The following CA6 variants were observed in gnomAD, a reference collection of about 807,000 sequenced individuals.
The protein encoded by CA6 is carbonic anhydrase 6.
CA6 carries 28 observed loss-of-function variants against 35.9 expected under a neutral mutation model. That is an observed-to-expected ratio of 0.78 (90% CI 0.58 to 1.07). The LOEUF is 1.07. Among genes scored for constraint, CA6 ranks in the 50% least tolerant of loss-of-function variants. The probability of loss-of-function intolerance (pLI) is 0.00; values close to 1 mark genes in which losing one functional copy is unlikely to be tolerated. For missense variants in CA6, 377 were observed against 382.0 expected (o/e 0.99, Z 0.11); for synonymous variants, 148 against 152.6 (o/e 0.97, Z 0.22).
At chr1:8,971,008 C>A in intron 7 of CA6, 27 bp downstream of exon 7, 1 of 1,443,540 alleles carries the variant, frequency 6.9e-7, no homozygotes, top group Non-Finnish European at 9.8e-7. Flanking sequence ...CTTGATCATG[C>A]TCTGCAGTTT....
intron 1 of CA6, among the ~76,000 whole-genome samples, chr1:8,948,837 G>C (rs1161042251): frequency 6.6e-6 from 1 of 151,994 alleles, no homozygotes; most frequent in Admixed American, 6.5e-5. Flanking sequence ...AGGCGTGGTG[G>C]TGCATGCCTG....
At chr1:8,970,523 T>C (rs1640081078) in intron 6 of CA6, among the ~76,000 whole-genome samples, 1 of 152,134 alleles carries the variant, frequency 6.6e-6, no homozygotes, top group Non-Finnish European at 1.5e-5. Flanking sequence ...TTTTTATTTT[T>C]TTTGAGACAG....
At chr1:8,967,900 C>A in intron 6 of CA6, 84 bp downstream of exon 6, 1 of 1,258,670 alleles carries the variant, frequency 7.9e-7, no homozygotes, top group Non-Finnish European at 1.1e-6. Context: ...CAACGAACGT[C>A]AACAACTAAG....
At chr1:8,973,739 T>C (rs1640175700) in intron 7 of CA6, among the ~76,000 whole-genome samples, 1 of 19,706 alleles carries the variant, frequency 5.1e-5, no homozygotes, top group African/African-American at 4.1e-4. Flanking sequence ...TTTCTTTCTT[T>C]CTTTCTTTCT....
chr1:8,956,907 C>T (rs527612052), intron 2 of CA6, among the ~76,000 whole-genome samples: 2 of 152,178 alleles, frequency 1.3e-5, no homozygotes, highest in Non-Finnish European at 2.9e-5. Flanking sequence ...AGGCACTTGC[C>T]CAGCCTGGTT....
At chr1:8,955,544 C>CT (rs1458513607) in intron 2 of CA6, among the ~76,000 whole-genome samples, 1 of 152,186 alleles carries the variant, frequency 6.6e-6, no homozygotes, top group African/African-American at 2.4e-5. Flanking sequence ...GTGGTGCTTA[C>CT]TGTCCATTTA....
At chr1:8,974,388 A>G in intron 7 of CA6, 1 of 1,537,910 alleles carries the variant, frequency 6.5e-7, no homozygotes, top group Non-Finnish European at 8.7e-7. Flanking sequence ...CCAAAATCCA[A>G]GAGTACAGCC....
chr1:8,958,822 CCTTT>C (rs940892998), intron 3 of CA6, 84 bp from the exon 4 acceptor site: 3 of 753,178 alleles, frequency 4.0e-6, no homozygotes, highest in Non-Finnish European at 6.9e-6. Context: ...AGACGGAGCA[CCTTT>C]CTTTCTCTTC....
intron 2 of CA6, among the ~76,000 whole-genome samples, chr1:8,954,187 T>C (rs1018968943): frequency 6.6e-6 from 1 of 151,874 alleles, no homozygotes; most frequent in Non-Finnish European, 1.5e-5. Context: ...TTTTTTTTTT[T>C]TGGAGACAGA....
At chr1:8,956,993 G>A in intron 2 of CA6, 144 bp from the exon 3 acceptor site, 2 of 652,412 alleles carry the variant, frequency 3.1e-6, no homozygotes, top group Non-Finnish European at 2.4e-6. Context: ...TGGTGACCCT[G>A]CCCATGGCAT....
At chr1:8,965,160 C>T (rs1639937235) in intron 5 of CA6, among the ~76,000 whole-genome samples, 1 of 152,170 alleles carries the variant, frequency 6.6e-6, no homozygotes, top group African/African-American at 2.4e-5. Context: ...AGGAGAATCG[C>T]TTAAACCCGG....
intron 2 of CA6, among the ~76,000 whole-genome samples, chr1:8,953,842 G>A (rs1639604897): frequency 1.3e-5 from 2 of 152,180 alleles, no homozygotes; most frequent in East Asian, 3.8e-4. Flanking sequence ...TCAGTCACAG[G>A]ATGAGATAGG....
intron 2 of CA6, 49 bp downstream of exon 2, chr1:8,949,491 G>C: frequency 6.6e-7 from 1 of 1,505,828 alleles, no homozygotes; most frequent in Middle Eastern, 1.8e-4. Flanking sequence ...CAGCCTGCAG[G>C]GGAAGGCAGG....
At chr1:8,960,789 C>CACACACACATATATATATAT (rs59987426) in intron 4 of CA6, among the ~76,000 whole-genome samples, 14 of 116,970 alleles carry the variant, frequency 1.2e-4, no homozygotes, top group East Asian at 8.8e-4. Flanking sequence ...CACACACACA[C>CACACACACATATATATATAT]ATATATATAA....
At position 8,974,604 on chromosome 1, in the gene CA6, T is replaced by A; in HGVS notation, c.845-18T>A. Reference sequence around the variant, plus strand: ...TGTACAAGGTTTAACCATTTCCGACTAACTCTTCTTTTTACAGAATACACT... The same window carrying A: ...TGTACAAGGTTTAACCATTTCCGACAAACTCTTCTTTTTACAGAATACACT... On this transcript the variant is annotated intron_variant, in intron 7 of 7. Transcript: ENST00000377443. 1.9e-6 allele frequency: 3 copies of A among 1,571,604 alleles called. No individual in the cohort carries two copies. The South Asian group carries it at 3.4e-5, about 18-fold the overall frequency.
At chr1:8,951,671 A>G (rs1557621331) in intron 2 of CA6, 2 of 764,976 alleles carry the variant, frequency 2.6e-6, no homozygotes, top group Non-Finnish European at 4.8e-6. Flanking sequence ...CCGCCTCCCA[A>G]TTTCCAGAGG....
intron 6 of CA6, among the ~76,000 whole-genome samples, chr1:8,969,874 G>GT (rs1640062034): frequency 6.6e-6 from 1 of 152,116 alleles, no homozygotes; most frequent in Admixed American, 6.6e-5. Flanking sequence ...ATATAGAATT[G>GT]TATGTGCAGC....
intron 1 of CA6, among the ~76,000 whole-genome samples, chr1:8,946,169 C>T (rs1191238637): frequency 6.6e-6 from 1 of 152,076 alleles, no homozygotes; most frequent in Non-Finnish European, 1.5e-5. Context: ...TCCCGAGTAC[C>T]TGGGATTACA....
At chr1:8,971,311 CTTTT>C (rs1254140549) in intron 7 of CA6, among the ~76,000 whole-genome samples, 3 of 137,924 alleles carry the variant, frequency 2.2e-5, no homozygotes, top group African/African-American at 2.7e-5. Flanking sequence ...TCAAGTTAAC[CTTTT>C]TTTTTTTTTT....
Sources: allele counts gnomAD v4.1 joint callset (sites outside exome capture counted in the v4.1 genomes callset), GRCh38; gene constraint gnomAD v4.1.1; transcripts MANE v1.5; gene names NCBI Gene and HGNC (gene_info 2026-07-23, HGNC 2026-07-21).